The following TRPC6 variants were observed in gnomAD, a reference collection of about 807,000 sequenced individuals.
TRPC6 encodes the protein short transient receptor potential channel 6.
TRPC6 carries 55 observed loss-of-function variants against 90.7 expected under a neutral mutation model. That is an observed-to-expected ratio of 0.61 (90% CI 0.49 to 0.76). The LOEUF is 0.76. Ranked by LOEUF, TRPC6 falls within the 30% of genes least tolerant of loss-of-function variation. The pLI is 0.00. For missense variants in TRPC6, 989 were observed against 1,122.7 expected (o/e 0.88, Z 1.70); for synonymous variants, 393 against 393.0 (o/e 1.00, Z 0.00).
At chr11:101,473,099 CCAGGAGTGAGTCCCCTGTAAG>C in intron 7 of TRPC6, among the ~76,000 whole-genome samples, 1 of 152,096 alleles carries the variant, frequency 6.6e-6, no homozygotes, top group Admixed American at 6.6e-5. Flanking sequence ...GTTAGCATCC[CCAGGAGTGAGTCCCCTGTAAG>C]CAGGAGGGTA....
intron 5 of TRPC6, 80 bp from the exon 6 acceptor site, chr11:101,476,614 G>T: frequency 7.7e-7 from 1 of 1,302,606 alleles, no homozygotes; most frequent in Non-Finnish European, 1.1e-6. Flanking sequence ...TGTTTGAAAG[G>T]TCTCAGCCTG....
chr11:101,473,927 T>C (rs558272124), intron 6 of TRPC6, among the ~76,000 whole-genome samples, 154 bp from the exon 7 acceptor site: 4 of 152,278 alleles, frequency 2.6e-5, no homozygotes, highest in African/African-American at 9.6e-5. Flanking sequence ...TCTGCTAGAG[T>C]TGAGCTTCTT....
chr11:101,495,587 T>A (rs1223941773), intron 2 of TRPC6, among the ~76,000 whole-genome samples: 1 of 143,184 alleles, frequency 7.0e-6, no homozygotes, highest in Non-Finnish European at 1.5e-5. Context: ...TGCAGATCAA[T>A]GGTAATTATT....
intron 1 of TRPC6, among the ~76,000 whole-genome samples, chr11:101,570,261 T>G (rs1311163018): frequency 6.6e-6 from 1 of 152,160 alleles, no homozygotes; most frequent in Non-Finnish European, 1.5e-5. Flanking sequence ...GCAAATAAAG[T>G]AGAAAATCTA....
In TRPC6 at chr11:101,482,974, C is replaced by A; in HGVS notation, c.1485G>T (p.Glu495Asp). ...CTATTACCCAGGATATAATGAGCAT[C>A]TCCATCCATGAGAAGCAGGATGTTT... ...RMKTSCFSWM[E>D]MLIISWVIGM... Residue 495 changes from glutamate (E) to aspartate (D), a missense_variant, in exon 5 of 13, where the codon GAG becomes GAT. By Grantham distance (45) the Glu-to-Asp change is conservative. This residue lies in a region of TRPC6 where 486 missense variants were observed against 591.9 expected (regional missense o/e 0.82). Coordinates refer to ENST00000344327, the MANE Select transcript of TRPC6 (RefSeq NM_004621.6). 1 of 1,613,996 alleles carries A rather than the reference C, an allele frequency of 6.2e-7. No homozygotes were observed. The highest frequency in any genetic ancestry group is 1.1e-5 in the South Asian group (1 of 91,090).
intron 1 of TRPC6, among the ~76,000 whole-genome samples, chr11:101,564,033 C>G (rs999367475): frequency 6.6e-6 from 1 of 151,674 alleles, no homozygotes; most frequent in Non-Finnish European, 1.5e-5. Flanking sequence ...TCCCACCTCC[C>G]CAGTAAAGAA....
chr11:101,537,730 T>C (rs1362878285), intron 1 of TRPC6, among the ~76,000 whole-genome samples: 3 of 151,866 alleles, frequency 2.0e-5, no homozygotes, highest in Middle Eastern at 3.2e-3. Context: ...AAATATGTTA[T>C]TCCATTTTCT....
chr11:101,508,198 T>G (rs1860317927), intron 1 of TRPC6, among the ~76,000 whole-genome samples: 1 of 152,168 alleles, frequency 6.6e-6, no homozygotes, highest in South Asian at 2.1e-4. Flanking sequence ...TGAGTTGCTT[T>G]TTTATGTTTG....
chr11:101,532,397 T>C (rs1860928225), intron 1 of TRPC6, among the ~76,000 whole-genome samples: 1 of 152,214 alleles, frequency 6.6e-6, no homozygotes, highest in South Asian at 2.1e-4. Flanking sequence ...TTATAAATTA[T>C]TGAAGCTAAC....
chr11:101,519,575 A>G (rs777006192), intron 1 of TRPC6, among the ~76,000 whole-genome samples: 1 of 151,962 alleles, frequency 6.6e-6, no homozygotes, highest in Non-Finnish European at 1.5e-5. Context: ...CTTGATCCTT[A>G]TGTCAGCTAG....
intron 4 of TRPC6, among the ~76,000 whole-genome samples, chr11:101,484,809 A>G (rs1859638377): frequency 6.6e-6 from 1 of 152,124 alleles, no homozygotes; most frequent in Non-Finnish European, 1.5e-5. Context: ...AATACGTAAT[A>G]TCATGTAAAT....
At chr11:101,461,701 ATTCT>A (rs1859008920) in intron 10 of TRPC6, among the ~76,000 whole-genome samples, 1 of 152,096 alleles carries the variant, frequency 6.6e-6, no homozygotes, top group African/African-American at 2.4e-5. Flanking sequence ...ACATTCACGC[ATTCT>A]TTCTTTCCAC....
rs1009457022 is a variant in TRPC6 at position 101,489,622 on chromosome 11, C to A, written c.1129-521G>T. 5.1e-5 allele frequency among the ~76,000 whole-genome samples: 7 copies of A among 138,148 alleles called. No individual in the cohort carries two copies. In the South Asian group the frequency reaches 6.7e-4, roughly 13 times the overall value. The allele number at this position is 138,148 out of a possible 152,430, so 90.6% of individuals were successfully genotyped here. A position where few individuals can be genotyped will look rare whatever the true frequency, so the allele number is the denominator to read the frequency against. On this transcript the variant is annotated intron_variant, in intron 3 of 12. Transcript: ENST00000344327. ...CCAAAAACTCTTTCACTTAAGAAGA[C>A]TTTAATTTTCAATATTTTTTTTTTT...
intron 1 of TRPC6, among the ~76,000 whole-genome samples, chr11:101,578,157 A>G (rs1305089435): frequency 6.6e-6 from 1 of 152,230 alleles, no homozygotes; most frequent in Non-Finnish European, 1.5e-5. Flanking sequence ...TGTGGCTTAC[A>G]TTCTAGTCAG....
chr11:101,457,568 G>A (rs907087712), intron 10 of TRPC6, among the ~76,000 whole-genome samples: 1 of 152,120 alleles, frequency 6.6e-6, no homozygotes, highest in Non-Finnish European at 1.5e-5. Flanking sequence ...GAAAAGGTAT[G>A]GACAATATAT....
At chr11:101,503,893 T>C in intron 2 of TRPC6, 131 bp downstream of exon 2, 1 of 1,124,772 alleles carries the variant, frequency 8.9e-7, no homozygotes, top group Non-Finnish European at 1.3e-6. Context: ...AATAAAGAGC[T>C]TGTTGAATAA....
At chr11:101,454,092 A>G (rs1313868791) in intron 11 of TRPC6, among the ~76,000 whole-genome samples, 2 of 152,160 alleles carry the variant, frequency 1.3e-5, no homozygotes, top group African/African-American at 2.4e-5. Flanking sequence ...AATTAAGCTA[A>G]TGTCTGCTCA....
Position 101,583,439 on chromosome 11 carries a change from G to A in TRPC6, c.65C>T (p.Ala22Val). Residue 22 changes from alanine (A) to valine (V), a missense_variant, in exon 1 of 13, where the codon GCT becomes GTT. By Grantham distance (64) the Ala-to-Val change is moderately conservative (BLOSUM62 0). Transcript: ENST00000344327. ...GSSPRGAAGA[A>V]ARRNESQDYL... ...GTCCTGGCTCTCGTTGCGCCGCGCAGCGGCTCCGGCAGCGCCCCGGGGAGA... is the reference window on the plus strand; with the variant it reads ...GTCCTGGCTCTCGTTGCGCCGCGCAACGGCTCCGGCAGCGCCCCGGGGAGA... 3 of 1,547,418 alleles carry A rather than the reference G, an allele frequency of 1.9e-6. No homozygotes were observed. The highest frequency in any genetic ancestry group is 2.6e-6 in the Non-Finnish European group (3 of 1,145,806).
At chr11:101,554,408 T>TAAA (rs34328477) in intron 1 of TRPC6, among the ~76,000 whole-genome samples, 9,481 of 149,374 alleles carry the variant, frequency 0.063, 448 homozygotes, top group South Asian at 0.14. Context: ...AGAGCAATAG[T>TAAA]AAAAAAAAAA....
Sources: gnomAD v4.1 joint callset for allele counts (sites outside exome capture counted in the v4.1 genomes callset) on GRCh38, gnomAD v4.1.1 for gene constraint, gnomAD v4.1.1 regional missense constraint, MANE v1.5 for transcripts, NCBI Gene and HGNC (gene_info 2026-07-23, HGNC 2026-07-21) for gene names.